Variants in FARP1 observed in about 807,000 individuals in gnomAD.
FARP1 encodes the protein FERM, ARHGEF and pleckstrin domain-containing protein 1.
FARP1 carries 52 observed loss-of-function variants against 128.8 expected under a neutral mutation model. The ratio of observed to expected loss-of-function variants is 0.40; its 90% CI spans 0.32 to 0.51. FARP1 has a LOEUF of 0.51. Ranked by LOEUF, FARP1 falls within the 20% of genes least tolerant of loss-of-function variation. FARP1 has a pLI of 0.45. For missense variants in FARP1, 1,333 were observed against 1,367.9 expected, an observed-to-expected ratio of 0.97 and a Z score of 0.40; for synonymous variants, 580 against 551.8, an observed-to-expected ratio of 1.05 and a Z score of -0.72.
At chr13:98,167,989 G>C (rs1479641039) in intron 1 of FARP1, among the ~76,000 whole-genome samples, 1 of 151,714 alleles carries the variant, frequency 6.6e-6, no homozygotes, top group South Asian at 2.1e-4. Flanking sequence ...TGGCTAACAC[G>C]GTGAAACCCC....
In FARP1 at chr13:98,425,694, A is replaced by C. The variant is rs149885141; in HGVS notation, c.1905+1044A>C. Reference sequence around the variant, plus strand: ...GCATGAGCCATCACCCCTGGTCGCAAATATGTTTTTAATCATCCAGCAATA... The same window carrying C: ...GCATGAGCCATCACCCCTGGTCGCACATATGTTTTTAATCATCCAGCAATA... On this transcript the variant is annotated intron_variant, in intron 17 of 26. Coordinates refer to ENST00000319562, the MANE Select transcript of FARP1 (RefSeq NM_005766.4). Among the ~76,000 whole-genome samples, 1,083 of 152,292 alleles carry C rather than the reference A, an allele frequency of 7.1e-3. 11 individuals carry two copies. Among genetic ancestry groups the C allele is most frequent in the African/African-American group, 0.024 (998 of 41,552 alleles).
intron 2 of FARP1, among the ~76,000 whole-genome samples, chr13:98,283,471 G>A (rs1379012360): frequency 6.6e-6 from 1 of 152,154 alleles, no homozygotes; most frequent in African/African-American, 2.4e-5. Context: ...TTGCAGAGAG[G>A]CAGGATAATA....
intron 5 of FARP1, among the ~76,000 whole-genome samples, chr13:98,368,685 C>CT (rs1889199774): frequency 1.3e-5 from 2 of 152,202 alleles, no homozygotes; most frequent in African/African-American, 4.8e-5. Flanking sequence ...TACTTTCTCC[C>CT]TTTGTGTTGC....
intron 1 of FARP1, among the ~76,000 whole-genome samples, chr13:98,186,094 G>A (rs535338307): frequency 6.6e-6 from 1 of 152,076 alleles, no homozygotes. Flanking sequence ...TCTGCAGAAC[G>A]TTTTCTTTTT....
chr13:98,152,191 C>A (rs8000510), intron 1 of FARP1, among the ~76,000 whole-genome samples: 23,972 of 152,152 alleles, frequency 0.16, 2,386 homozygotes, highest in Middle Eastern at 0.26. Flanking sequence ...TGCCCCTCGG[C>A]ATGTTGATTT....
chr13:98,381,392 C>T (rs1889882389), intron 6 of FARP1, among the ~76,000 whole-genome samples: 2 of 152,216 alleles, frequency 1.3e-5, no homozygotes, highest in African/African-American at 4.8e-5. Flanking sequence ...CGTCTCTATA[C>T]ACACAATCTG....
chr13:98,207,937 C>A (rs1447924603), intron 1 of FARP1, among the ~76,000 whole-genome samples: 2 of 147,352 alleles, frequency 1.4e-5, no homozygotes, highest in Non-Finnish European at 3.0e-5. Flanking sequence ...CACACACACA[C>A]ACACACACAC....
chr13:98,432,651 C>G (rs1892077602), intron 18 of FARP1: 1 of 152,246 alleles, frequency 6.6e-6, no homozygotes, highest in African/African-American at 2.4e-5. Flanking sequence ...TTTTAAAAAT[C>G]CATCTTCTTA....
At chr13:98,393,520 G>A in intron 11 of FARP1, 123 bp from the exon 12 acceptor site, 1 of 719,346 alleles carries the variant, frequency 1.4e-6, no homozygotes, top group Non-Finnish European at 2.5e-6. Flanking sequence ...GCGGCTCTGG[G>A]TACCATCATT....
chr13:98,360,519 G>T (rs1230093854), intron 3 of FARP1, among the ~76,000 whole-genome samples: 1 of 152,200 alleles, frequency 6.6e-6, no homozygotes, highest in Admixed American at 6.5e-5. Context: ...AGGATGCATC[G>T]AGGTGGCAGC....
intron 2 of FARP1, among the ~76,000 whole-genome samples, chr13:98,306,658 G>C (rs1331444726): frequency 6.8e-6 from 1 of 147,726 alleles, no homozygotes; most frequent in Non-Finnish European, 1.5e-5. Context: ...GGGACTACAG[G>C]TACATGCCAC....
chr13:98,196,029 G>C (rs1879550595), intron 1 of FARP1, among the ~76,000 whole-genome samples: 1 of 152,096 alleles, frequency 6.6e-6, no homozygotes, highest in Non-Finnish European at 1.5e-5. Context: ...CTGTCTTCAA[G>C]ACATATTAGT....
intron 1 of FARP1, among the ~76,000 whole-genome samples, chr13:98,153,932 T>C (rs558205790): frequency 1.4e-4 from 22 of 152,282 alleles, no homozygotes; most frequent in South Asian, 4.1e-4. Flanking sequence ...TTTCTGTCAA[T>C]TTAGAACATT....
At chr13:98,246,963 C>A (rs1257371008) in intron 2 of FARP1, among the ~76,000 whole-genome samples, 1 of 152,344 alleles carries the variant, frequency 6.6e-6, no homozygotes, top group South Asian at 2.1e-4. Context: ...CAGTTGCTCA[C>A]GCCTGTAATC....
intron 17 of FARP1, among the ~76,000 whole-genome samples, chr13:98,426,097 T>C (rs1477063613): frequency 1.3e-5 from 2 of 152,204 alleles, no homozygotes; most frequent in African/African-American, 4.8e-5. Flanking sequence ...GCACCTACTA[T>C]ACACAAGACA....
chr13:98,227,282 T>C (rs1400092332), intron 2 of FARP1, among the ~76,000 whole-genome samples: 1 of 152,108 alleles, frequency 6.6e-6, no homozygotes, highest in Non-Finnish European at 1.5e-5. Context: ...TTCCGGCAAA[T>C]GTCTGTTCTT....
intron 12 of FARP1, among the ~76,000 whole-genome samples, chr13:98,394,467 C>T (rs983397685): frequency 1.3e-5 from 2 of 152,212 alleles, no homozygotes; most frequent in African/African-American, 4.8e-5. Flanking sequence ...TGGAGACCCC[C>T]TGTGGGCTGG....
chr13:98,346,186 A>ATTTTTTTTTTT (rs10555277), intron 3 of FARP1, among the ~76,000 whole-genome samples: 3 of 105,680 alleles, frequency 2.8e-5, no homozygotes, highest in Non-Finnish European at 5.6e-5. Flanking sequence ...ATTGCATATA[A>ATTTTTTTTTTT]TTTTTTTTTT....
In FARP1 at chr13:98,217,455, C is replaced by G. The variant is rs375982955; in HGVS notation, c.171+4042C>G. The stretch of plus-strand genomic sequence containing the variant: ...TGCAGAGGGAACTCGGCGTCTACGA[C>G]CGTCGTCGCAGGAAATGATCCTTGT... On this transcript the variant is annotated intron_variant, in intron 2 of 26. Coordinates refer to ENST00000319562, the MANE Select transcript of FARP1 (RefSeq NM_005766.4). Among the ~76,000 whole-genome samples the G allele has an allele frequency of 5.3e-5, 8 of 152,324 alleles. 1 individual carries two copies. The highest frequency in any genetic ancestry group is 3.9e-4 in the East Asian group (2 of 5,178).
Sources: gnomAD v4.1 joint callset for allele counts (sites outside exome capture counted in the v4.1 genomes callset) on GRCh38, gnomAD v4.1.1 for gene constraint, MANE v1.5 for transcripts, NCBI Gene and HGNC (gene_info 2026-07-23, HGNC 2026-07-21) for gene names.